The following KDM1B variants were observed in gnomAD, a reference collection of about 807,000 sequenced individuals.
KDM1B encodes the protein lysine demethylase 1B.
KDM1B carries 63 observed loss-of-function variants against 107.4 expected under a neutral mutation model. The ratio of observed to expected loss-of-function variants is 0.59; its 90% CI spans 0.48 to 0.72. The LOEUF is 0.72. Ranked by LOEUF, KDM1B falls within the 30% of genes least tolerant of loss-of-function variation. The pLI, the probability that KDM1B is intolerant of heterozygous loss-of-function variation, is 0.00. For missense variants in KDM1B, 749 were observed against 1,020.8 expected (o/e 0.73, Z 3.63); for synonymous variants, 363 against 363.9 (o/e 1.00, Z 0.03).
At position 18,212,468 on chromosome 6, in the gene KDM1B, CTG is replaced by C; in HGVS notation, c.1867-18_1867-17del. The C allele has an allele frequency of 7.1e-7, 1 of 1,411,978 alleles. No homozygotes were observed. The highest frequency in any genetic ancestry group is 1.1e-5 in the South Asian group (1 of 87,030). 87.5% of individuals were successfully genotyped at this position (1,411,978 alleles called of 1,614,324 possible). A position where few individuals can be genotyped will look rare whatever the true frequency, so the allele number is the denominator to read the frequency against. ...GGTTCTGTTGCTGTTTGTTTGTTAA[CTG>C]TTAATTATTTTCCACAGGTATTAGT... On this transcript the variant is annotated intron_variant, in intron 17 of 21. Coordinates refer to ENST00000650836, the MANE Select transcript of KDM1B (RefSeq NM_001364614.2). The surrounding 1 kb of genome is among the most constrained non-coding windows in gnomAD (Gnocchi z 5.2).
Position 18,191,245 on chromosome 6 carries a change from G to A in KDM1B, c.833G>A (p.Cys278Tyr). The A allele has an allele frequency of 6.4e-7, 1 of 1,550,624 alleles. No homozygotes were observed. Among genetic ancestry groups the A allele is most frequent in the Non-Finnish European group, 8.7e-7 (1 of 1,147,000 alleles). ...CAGCCTTTCTACCAGCCCAATGAGT[G>A]TGGCAAAGCCCTCTGTGTGAGGCCG... ...YFQPFYQPNE[C>Y]GKALCVRPDV... The change falls in exon 10 of 22, where the codon TGT (cysteine) becomes TAT (tyrosine). Residue 278 changes from cysteine to tyrosine, a missense_variant. Transcript: ENST00000650836. The surrounding 1 kb of genome is among the most constrained non-coding windows in gnomAD (Gnocchi z 5.1).
In KDM1B at chr6:18,200,974, TAAAA is replaced by T. The variant is rs1184517696; in HGVS notation, c.1359+402_1359+405del. ...GCAATATTTGGGACATACTTATACTTAAAAAAATTATGTATTACTAATCTGAACA... is the reference window on the plus strand; with the variant it reads ...GCAATATTTGGGACATACTTATACTTAAATTATGTATTACTAATCTGAACA... On this transcript the variant is annotated intron_variant, in intron 13 of 21. Transcript: ENST00000650836. This position sits in a 1 kb window ranked among gnomAD's most constrained non-coding sequence, Gnocchi z 4.3. 1.3e-5 allele frequency among the ~76,000 whole-genome samples: 2 copies of T among 152,294 alleles called. No individual in the cohort carries two copies. The highest frequency in any genetic ancestry group is 4.8e-5 in the African/African-American group (2 of 41,578).
chr6:18,217,781 C>G lies in KDM1B; in HGVS notation c.2281C>G (p.Pro761Ala). 2 of 1,613,832 alleles carry G rather than the reference C, an allele frequency of 1.2e-6. No individual in the cohort carries two copies. Among genetic ancestry groups the G allele is most frequent in the Non-Finnish European group, 1.7e-6 (2 of 1,179,852 alleles). ...TTTTGTCACTCGGTGGAGCACAGAC[C>G]CATGGATCCAGATGGCATACAGTTT... Reference protein sequence around the residue: ...KYFVTRWSTDPWIQMAYSFVK... With the variant: ...KYFVTRWSTDAWIQMAYSFVK... Residue 761 changes from proline to alanine, a missense_variant, in exon 21 of 22, where the codon CCA becomes GCA. Physicochemically the swap from Pro to Ala is conservative, Grantham distance 27. Coordinates refer to ENST00000650836, the MANE Select transcript of KDM1B (RefSeq NM_001364614.2).
At chr6:18,183,461 C>T (rs12202899) in intron 7 of KDM1B, among the ~76,000 whole-genome samples, 2,494 of 151,480 alleles carry the variant, frequency 0.016, 39 homozygotes, top group Non-Finnish European at 0.024. Context: ...GGTTTCATCA[C>T]GTTGGCCAGG....
chr6:18,202,235 C>CAA (rs546300753), intron 14 of KDM1B, among the ~76,000 whole-genome samples: 10 of 143,162 alleles, frequency 7.0e-5, no homozygotes, highest in African/African-American at 8.3e-5. Flanking sequence ...CTTGTGTCTA[C>CAA]AAAAAAAAAG....
chr6:18,204,459 G>A lies in KDM1B; in HGVS notation c.1532-1078G>A, dbSNP rs1333712217. On this transcript the variant is annotated intron_variant, in intron 14 of 21. Coordinates refer to ENST00000650836, the MANE Select transcript of KDM1B (RefSeq NM_001364614.2). This position sits in a 1 kb window ranked among gnomAD's most constrained non-coding sequence, Gnocchi z 4.9. ...ACAGCACTCCAGCCTGGGTGACATGGTGAGACCCTATCTCAGGAAAAAAAA... is the reference window on the plus strand; with the variant it reads ...ACAGCACTCCAGCCTGGGTGACATGATGAGACCCTATCTCAGGAAAAAAAA... 6.6e-6 allele frequency among the ~76,000 whole-genome samples: 1 copy of A among 152,162 alleles called. No individual in the cohort carries two copies. The highest frequency in any genetic ancestry group is 2.4e-5 in the African/African-American group (1 of 41,444).
chr6:18,200,452 A>AGATCTCATCTTACC lies in KDM1B; in HGVS notation c.1235_1236insGATCTCATCTTACC (p.Ala413IlefsTer40). ...CTGTCTTTTTAGGTGACTGTCCTGG[A>AGATCTCATCTTACC]AGCCAAAGACAGAATTGGAGGCCGA... On this transcript the variant is annotated frameshift_variant, in exon 13 of 22. Coordinates refer to ENST00000650836, the MANE Select transcript of KDM1B (RefSeq NM_001364614.2). LOFTEE classifies it high-confidence loss of function. The surrounding 1 kb of genome is among the most constrained non-coding windows in gnomAD (Gnocchi z 4.3). 1 of 1,613,956 alleles carries AGATCTCATCTTACC rather than the reference A, an allele frequency of 6.2e-7. No homozygotes were observed.
chr6:18,184,907 T>C (rs1163099460), intron 7 of KDM1B, among the ~76,000 whole-genome samples: 1 of 151,906 alleles, frequency 6.6e-6, no homozygotes, highest in Non-Finnish European at 1.5e-5. Flanking sequence ...GGCTGATTTT[T>C]GCAATTTTTG....
intron 4 of KDM1B, 126 bp downstream of exon 4, chr6:18,161,580 T>G (rs774249831): frequency 5.9e-6 from 6 of 1,011,030 alleles, no homozygotes; most frequent in African/African-American, 1.6e-5. Context: ...AATCTAATAA[T>G]AGAGACATTG....
chr6:18,196,054 A>C (rs1432592595), intron 10 of KDM1B, among the ~76,000 whole-genome samples: 3 of 152,116 alleles, frequency 2.0e-5, no homozygotes, highest in African/African-American at 7.2e-5. Flanking sequence ...GGGTGTTTTT[A>C]GATTCCACAT....
chr6:18,160,580 T>G (rs1244543045), intron 3 of KDM1B, among the ~76,000 whole-genome samples: 1 of 151,612 alleles, frequency 6.6e-6, no homozygotes, highest in Non-Finnish European at 1.5e-5. Context: ...CTACTAAATA[T>G]GCAAAAAATT....
intron 5 of KDM1B, among the ~76,000 whole-genome samples, chr6:18,164,425 G>A (rs1419688920): frequency 6.6e-6 from 1 of 152,004 alleles, no homozygotes; most frequent in East Asian, 1.9e-4. Context: ...GGTAGCTCGA[G>A]CCACCACGCC....
chr6:18,202,394 T>C (rs1788096401), intron 14 of KDM1B, among the ~76,000 whole-genome samples: 1 of 149,862 alleles, frequency 6.7e-6, no homozygotes, highest in South Asian at 2.1e-4. Flanking sequence ...AGCAAGACCC[T>C]ATTTCAAAAA....
At position 18,159,445 on chromosome 6, in the gene KDM1B, T is replaced by C. The variant is rs1236493069; in HGVS notation, c.-13-438T>C. ...ATGTTTCTCATTTTGTATCTTTTAA[T>C]GTGCATAACTACTAATAGGTAATGT... On this transcript the variant is annotated intron_variant, in intron 2 of 21. Transcript: ENST00000650836. This position sits in a 1 kb window ranked among gnomAD's most constrained non-coding sequence, Gnocchi z 4.5. Among the ~76,000 whole-genome samples, 6 of 152,256 alleles carry C rather than the reference T, an allele frequency of 3.9e-5. No homozygotes were observed. Among genetic ancestry groups the C allele is most frequent in the African/African-American group, 1.4e-4 (6 of 41,466 alleles).
rs1258819536 is a variant in KDM1B, at chr6:18,186,550, C to T, written c.573+740C>T. ...GACTTTTAGCAAATCTACTTTAAAT[C>T]CATTCTGTTATATAAAAGGGTGTTT... is the stretch of plus-strand genomic sequence containing the variant. On this transcript the variant is annotated intron_variant, in intron 8 of 21. Transcript: ENST00000650836. This position sits in a 1 kb window ranked among gnomAD's most constrained non-coding sequence, Gnocchi z 5.6. 1.3e-5 allele frequency among the ~76,000 whole-genome samples: 2 copies of T among 152,122 alleles called. No individual in the cohort carries two copies. The highest frequency in any genetic ancestry group is 3.9e-4 in the East Asian group (2 of 5,190).
Position 18,214,673 on chromosome 6 carries a change from G to A in KDM1B, c.2110-334G>A, listed in dbSNP as rs1426398373. 2.0e-5 allele frequency among the ~76,000 whole-genome samples: 3 copies of A among 152,220 alleles called. No homozygotes were observed. Among genetic ancestry groups the A allele is most frequent in the African/African-American group, 7.2e-5 (3 of 41,464 alleles). On this transcript the variant is annotated intron_variant, in intron 19 of 21. Coordinates refer to ENST00000650836, the MANE Select transcript of KDM1B (RefSeq NM_001364614.2). This position sits in a 1 kb window ranked among gnomAD's most constrained non-coding sequence, Gnocchi z 4.4. Reference sequence around the variant, plus strand: ...GCCTGTAATCCCAGCACTTTGGGAGGCCGAGGTGGGTGGATCACCTGAGGT... The same window carrying A: ...GCCTGTAATCCCAGCACTTTGGGAGACCGAGGTGGGTGGATCACCTGAGGT...
chr6:18,205,415 C>A lies in KDM1B; in HGVS notation c.1532-122C>A. 1.2e-6 allele frequency: 1 copy of A among 831,400 alleles called. No individual in the cohort carries two copies. The highest frequency in any genetic ancestry group is 1.8e-6 in the Non-Finnish European group (1 of 562,766). 51.5% of individuals were successfully genotyped at this position (831,400 alleles called of 1,614,324 possible). A position where few individuals can be genotyped will look rare whatever the true frequency, so the allele number is the denominator to read the frequency against. ...AGAGATCTTTTCCCCTCTGACTTTA[C>A]TTGGGAAAAGACTTTGGAAGTTTTG... On this transcript the variant is annotated intron_variant, in intron 14 of 21. Coordinates refer to ENST00000650836, the MANE Select transcript of KDM1B (RefSeq NM_001364614.2). The surrounding 1 kb of genome is among the most constrained non-coding windows in gnomAD (Gnocchi z 5.7).
At chr6:18,210,383 G>C (rs1324223677) in intron 17 of KDM1B, among the ~76,000 whole-genome samples, 1 of 71,984 alleles carries the variant, frequency 1.4e-5, no homozygotes, top group Admixed American at 1.4e-4. Flanking sequence ...GTTTTACAGG[G>C]TCTTATTCTG....
chr6:18,167,181 C>T (rs1785353913), intron 6 of KDM1B, among the ~76,000 whole-genome samples: 1 of 151,742 alleles, frequency 6.6e-6, no homozygotes, highest in South Asian at 2.1e-4. Flanking sequence ...ATGGGGAAAC[C>T]CCGTCTCTAC....
Sources: allele counts gnomAD v4.1 joint callset (sites outside exome capture counted in the v4.1 genomes callset), GRCh38; gene constraint gnomAD v4.1.1; non-coding constraint Gnocchi (gnomAD v3.1); transcripts MANE v1.5; gene names NCBI Gene and HGNC (gene_info 2026-07-23, HGNC 2026-07-21).